The following ARMC8 variants were observed in gnomAD, a reference collection of about 807,000 sequenced individuals.
ARMC8 encodes armadillo repeat containing 8, also known as armadillo repeat-containing protein 8.
ARMC8 carries 20 observed loss-of-function variants against 99.3 expected under a neutral mutation model. The ratio of observed to expected loss-of-function variants is 0.20; its 90% CI spans 0.14 to 0.29. ARMC8 has a LOEUF of 0.29. Among genes scored for constraint, ARMC8 ranks in the 10% least tolerant of loss-of-function variants. The probability of loss-of-function intolerance (pLI) is 1.00; values close to 1 mark genes in which losing one functional copy is unlikely to be tolerated. For synonymous variants in ARMC8, 263 were observed against 278.3 expected (o/e 0.95, Z 0.55); for missense variants, 569 against 809.5 (o/e 0.70, Z 3.60).
intron 19 of ARMC8, chr3:138,287,577 T>C (rs1356343947): frequency 1.5e-5 from 7 of 455,078 alleles, no homozygotes; most frequent in Non-Finnish European, 2.7e-5. Context: ...TCAACAAATA[T>C]TGATTGATTG....
chr3:138,256,579 T>A (rs1374286205), intron 12 of ARMC8, among the ~76,000 whole-genome samples: 1 of 151,734 alleles, frequency 6.6e-6, no homozygotes, highest in Non-Finnish European at 1.5e-5. Flanking sequence ...CCTGGCTAAT[T>A]TTTTGTATTT....
intron 1 of ARMC8, among the ~76,000 whole-genome samples, chr3:138,199,558 T>C (rs1450668787): frequency 6.6e-6 from 1 of 152,192 alleles, no homozygotes; most frequent in Non-Finnish European, 1.5e-5. Context: ...TGTCTAATAG[T>C]GAAATTAACT....
In ARMC8 at chr3:138,296,593, G is replaced by A. The variant is rs2051509662; in HGVS notation, c.*701G>A. On this transcript the variant is annotated 3_prime_UTR_variant, in exon 22 of 22. Transcript: ENST00000469044. ...TTGGCTATAGTTGGCCTGATTAACA[G>A]GCACTATACATGGTGCTGTGCAAAA... The A allele has an allele frequency of 6.6e-6, 1 of 152,032 alleles. No individual in the cohort carries two copies. Among genetic ancestry groups the A allele is most frequent in the Non-Finnish European group, 1.5e-5 (1 of 68,002 alleles). 9.4% of individuals were successfully genotyped at this position (152,032 alleles called of 1,614,324 possible).
At chr3:138,251,685 A>G (rs1266499171) in intron 12 of ARMC8, among the ~76,000 whole-genome samples, 2 of 152,224 alleles carry the variant, frequency 1.3e-5, no homozygotes, top group African/African-American at 4.8e-5. Context: ...TTGGCCTTCA[A>G]CATACTGAAA....
intron 1 of ARMC8, chr3:138,188,494 T>A (rs769170041): frequency 1.2e-6 from 2 of 1,613,776 alleles, no homozygotes; most frequent in South Asian, 2.2e-5. Flanking sequence ...CTTCGAAGGA[T>A]TTTGCAACAA....
chr3:138,284,440 A>C lies in ARMC8; in HGVS notation c.1735A>C (p.Ile579Leu), dbSNP rs1436018732. 1 of 1,613,034 alleles carries C rather than the reference A, an allele frequency of 6.2e-7. No individual in the cohort carries two copies. Among genetic ancestry groups the C allele is most frequent in the East Asian group, 2.2e-5 (1 of 44,886 alleles). Residue 579 changes from isoleucine (I) to leucine (L), a missense_variant, in exon 19 of 22, where the codon ATC (isoleucine) becomes CTC (leucine). This residue lies in a region of ARMC8 where 227 missense variants were observed against 417.9 expected (regional missense o/e 0.54). Coordinates refer to ENST00000469044, the MANE Select transcript of ARMC8 (RefSeq NM_001363941.2). The part of the protein sequence containing the change: ...NIEVKEQTLC[I>L]LANIADGTTA... The stretch of plus-strand genomic sequence containing the variant: ...CTTTGTTCTTTTCCAGACACTGTGC[A>C]TCTTAGCCAACATAGCGGATGGGAC...
chr3:138,192,297 A>G (rs1415681668), intron 1 of ARMC8, among the ~76,000 whole-genome samples: 1,425 of 82,082 alleles, frequency 0.017, 9 homozygotes, highest in Non-Finnish European at 0.023. Flanking sequence ...TTTTTTTTTG[A>G]GACGGAGTCT....
At chr3:138,239,704 T>C (rs2046513788) in intron 10 of ARMC8, among the ~76,000 whole-genome samples, 176 bp downstream of exon 10, 1 of 152,202 alleles carries the variant, frequency 6.6e-6, no homozygotes, top group Non-Finnish European at 1.5e-5. Context: ...TTTTAAAAAT[T>C]GATTTTAGAT....
intron 1 of ARMC8, among the ~76,000 whole-genome samples, chr3:138,193,692 C>G (rs77418931): frequency 6.6e-6 from 1 of 152,132 alleles, no homozygotes; most frequent in African/African-American, 2.4e-5. Flanking sequence ...TGATCTCATA[C>G]CTTATACAAA....
chr3:138,286,184 C>T (rs1308030406), intron 19 of ARMC8, among the ~76,000 whole-genome samples: 1 of 152,176 alleles, frequency 6.6e-6, no homozygotes, highest in Non-Finnish European at 1.5e-5. Context: ...CTCAAATGAT[C>T]CACCTGTCTC....
At chr3:138,221,882 A>G (rs748713026) in intron 2 of ARMC8, 44 bp from the exon 3 acceptor site, 1 of 1,427,628 alleles carries the variant, frequency 7.0e-7, no homozygotes, top group South Asian at 1.2e-5. Context: ...ATTTTTCTTC[A>G]GTGCTGTCTC....
rs1391687114 is a variant in ARMC8 at position 138,237,510 on chromosome 3, G to C, written c.714G>C (p.Gln238His). 1.2e-6 allele frequency: 2 copies of C among 1,613,950 alleles called. No individual in the cohort carries two copies. Among genetic ancestry groups the C allele is most frequent in the Non-Finnish European group, 1.7e-6 (2 of 1,179,962 alleles). The change falls in exon 9 of 22, where the codon CAG (glutamine) becomes CAC (histidine). Residue 238 changes from glutamine (Q) to histidine (H), a missense_variant. Around this residue, in one of 2 missense-constraint regions of ARMC8, gnomAD observed 342 missense variants for 391.6 expected, o/e 0.87. Coordinates refer to ENST00000469044, the MANE Select transcript of ARMC8 (RefSeq NM_001363941.2). ...TGGTTGATGGAGAATTGTTACCACA[G>C]ATTTTTGTGAAGATGTTACAGAGGG... ...NVLVDGELLP[Q>H]IFVKMLQRDK...
chr3:138,206,550 A>G (rs1427840935), intron 1 of ARMC8, among the ~76,000 whole-genome samples: 3 of 152,344 alleles, frequency 2.0e-5, no homozygotes, highest in Non-Finnish European at 4.4e-5. Context: ...AGGTAGGTGC[A>G]CAGTCTGCTC....
At chr3:138,188,452 C>A in intron 1 of ARMC8, 2 of 1,609,106 alleles carry the variant, frequency 1.2e-6, no homozygotes, top group Non-Finnish European at 1.7e-6. Context: ...GCTCTTGAAC[C>A]AGGACCAGGA....
intron 12 of ARMC8, among the ~76,000 whole-genome samples, chr3:138,251,137 A>T (rs1295777231): frequency 6.6e-6 from 1 of 151,954 alleles, no homozygotes. Context: ...ACTGCACTAC[A>T]GCCTAGGTGA....
In ARMC8 at chr3:138,188,384, T is replaced by C. The variant is rs2043194744; in HGVS notation, c.45+785T>C. The C allele has an allele frequency of 2.7e-6, 4 of 1,482,780 alleles. No individual in the cohort carries two copies. The East Asian group carries it at 9.8e-5, about 36-fold the overall frequency. 91.9% of individuals were successfully genotyped at this position (1,482,780 alleles called of 1,614,324 possible). On this transcript the variant is annotated intron_variant, in intron 1 of 21. Coordinates refer to ENST00000469044, the MANE Select transcript of ARMC8 (RefSeq NM_001363941.2). ...ATGCCAGGAAGTAAAACCTGTTTTT[T>C]TTTTTTTTAAAAAAAGTTTTTTTAA...
chr3:138,187,551 C>T lies in ARMC8; in HGVS notation c.-4C>T, dbSNP rs551153773. On this transcript the variant is annotated 5_prime_UTR_variant, in exon 1 of 22. Transcript: ENST00000469044. ...CCTGCAGCAGCCGGGTGGGAAGGCTCAAGATGGCGTGCTTGTTGGAGACCC... is the reference window on the plus strand; with the variant it reads ...CCTGCAGCAGCCGGGTGGGAAGGCTTAAGATGGCGTGCTTGTTGGAGACCC... The T allele has an allele frequency of 1.4e-5, 21 of 1,535,866 alleles. 1 individual carries two copies. The South Asian group carries it at 2.0e-4, about 15-fold the overall frequency.
At chr3:138,247,102 A>G (rs750290628) in intron 12 of ARMC8, among the ~76,000 whole-genome samples, 12 of 152,030 alleles carry the variant, frequency 7.9e-5, no homozygotes, top group South Asian at 2.1e-4. Flanking sequence ...GAAAAATTTT[A>G]TTTTCAGTGT....
intron 21 of ARMC8, among the ~76,000 whole-genome samples, chr3:138,292,581 A>G (rs540672366): frequency 1.3e-5 from 2 of 152,330 alleles, no homozygotes; most frequent in East Asian, 3.9e-4. Context: ...GAAAATGTCT[A>G]GGGTTTTAGC....
Sources: gnomAD v4.1 joint callset for allele counts (sites outside exome capture counted in the v4.1 genomes callset) on GRCh38, gnomAD v4.1.1 for gene constraint, gnomAD v4.1.1 regional missense constraint, MANE v1.5 for transcripts, NCBI Gene and HGNC (gene_info 2026-07-23, HGNC 2026-07-21) for gene names.